The following VPS13B variants were observed in gnomAD, a reference collection of about 807,000 sequenced individuals.
VPS13B encodes vacuolar protein sorting 13 homolog B, also known as intermembrane lipid transfer protein VPS13B.
In VPS13B, 285 loss-of-function variants were observed where a neutral mutation model predicts 426.4. That is an observed-to-expected ratio of 0.67 (90% CI 0.61 to 0.74). The LOEUF (loss-of-function observed/expected upper bound fraction) is 0.74. Among genes scored for constraint, VPS13B ranks in the 30% least tolerant of loss-of-function variants. The probability of loss-of-function intolerance (pLI) is 0.00; values close to 1 mark genes in which losing one functional copy is unlikely to be tolerated. For synonymous variants in VPS13B, 1,676 were observed against 1,676.4 expected, an observed-to-expected ratio of 1.00 and a Z score of 0.01; for missense variants, 4,537 against 4,782.6, an observed-to-expected ratio of 0.95 and a Z score of 1.51.
At chr8:99,287,181 G>C (rs1368205770) in intron 19 of VPS13B, among the ~76,000 whole-genome samples, 1 of 151,878 alleles carries the variant, frequency 6.6e-6, no homozygotes, top group Non-Finnish European at 1.5e-5. Context: ...TGTAGATTAG[G>C]TGTTGCTTTA....
At chr8:99,128,302 G>C (rs1488592912) in intron 8 of VPS13B, among the ~76,000 whole-genome samples, 1 of 138,316 alleles carries the variant, frequency 7.2e-6, no homozygotes, top group Non-Finnish European at 1.5e-5. Flanking sequence ...CAGGAGAATT[G>C]CTTGAACCTG....
chr8:99,790,299 A>G (rs1267369555), intron 43 of VPS13B, among the ~76,000 whole-genome samples: 1 of 152,178 alleles, frequency 6.6e-6, no homozygotes, highest in Non-Finnish European at 1.5e-5. Flanking sequence ...TATCCAAATT[A>G]TCTGACCTCC....
At chr8:99,790,455 T>G (rs1812483494) in intron 43 of VPS13B, among the ~76,000 whole-genome samples, 1 of 152,192 alleles carries the variant, frequency 6.6e-6, no homozygotes, top group Non-Finnish European at 1.5e-5. Flanking sequence ...TCTAAGGAAC[T>G]TACTGTCTAT....
intron 30 of VPS13B, among the ~76,000 whole-genome samples, chr8:99,542,633 G>A (rs1823685656): frequency 6.6e-6 from 1 of 152,116 alleles, no homozygotes; most frequent in Non-Finnish European, 1.5e-5. Context: ...AGGAATTTGT[G>A]CTTTATTACA....
At chr8:99,740,255 A>G (rs1454010709) in intron 39 of VPS13B, among the ~76,000 whole-genome samples, 2 of 152,214 alleles carry the variant, frequency 1.3e-5, no homozygotes, top group Admixed American at 6.5e-5. Flanking sequence ...AAATGAAGTG[A>G]GAAGAGAAGT....
intron 19 of VPS13B, among the ~76,000 whole-genome samples, chr8:99,329,252 G>A (rs943901260): frequency 2.0e-5 from 3 of 152,046 alleles, no homozygotes; most frequent in East Asian, 1.9e-4. Context: ...TATAAACCCT[G>A]TATTTTAGTT....
At chr8:99,050,179 C>T (rs950845743) in intron 3 of VPS13B, among the ~76,000 whole-genome samples, 1 of 151,784 alleles carries the variant, frequency 6.6e-6, no homozygotes. Context: ...TGCTATCGCT[C>T]CCCCCTCCCC....
At chr8:99,736,869 T>C in intron 39 of VPS13B, among the ~76,000 whole-genome samples, 1 of 152,122 alleles carries the variant, frequency 6.6e-6, no homozygotes, top group East Asian at 1.9e-4. Context: ...ATCATTCTTA[T>C]TTTATAAAAA....
chr8:99,134,797 T>TATTA, intron 9 of VPS13B, 70 bp downstream of exon 9: 3 of 1,325,878 alleles, frequency 2.3e-6, no homozygotes, highest in South Asian at 2.6e-5. Context: ...TACCTGTTTT[T>TATTA]ATCAGATGTA....
chr8:99,094,526 A>C (rs555580397), intron 3 of VPS13B, among the ~76,000 whole-genome samples: 1 of 152,314 alleles, frequency 6.6e-6, no homozygotes, highest in East Asian at 1.9e-4. Context: ...TAAGTTCATG[A>C]GAAAATTTTC....
At chr8:99,428,557 A>T (rs1414680508) in intron 21 of VPS13B, among the ~76,000 whole-genome samples, 1 of 152,230 alleles carries the variant, frequency 6.6e-6, no homozygotes, top group Non-Finnish European at 1.5e-5. Context: ...TGGCCATCAG[A>T]GAAATGCAAA....
At chr8:99,614,597 A>C (rs2133881131) in intron 33 of VPS13B, among the ~76,000 whole-genome samples, 1 of 152,182 alleles carries the variant, frequency 6.6e-6, no homozygotes, top group Non-Finnish European at 1.5e-5. Flanking sequence ...ATTATTTTAA[A>C]AGTGTTTCAG....
At chr8:99,145,382 T>G (rs1367705713) in intron 13 of VPS13B, among the ~76,000 whole-genome samples, 1 of 152,160 alleles carries the variant, frequency 6.6e-6, no homozygotes, top group Non-Finnish European at 1.5e-5. Context: ...ACTACCATGG[T>G]CAAGAAAATG....
chr8:99,020,489 G>A (rs1482230084), intron 2 of VPS13B, among the ~76,000 whole-genome samples: 1 of 152,128 alleles, frequency 6.6e-6, no homozygotes, highest in Non-Finnish European at 1.5e-5. Context: ...TAATTTTGAT[G>A]AAGTCCAACT....
In VPS13B at chr8:99,148,013, A is replaced by G. The variant is rs1810834447; in HGVS notation, c.2013+3A>G. On this transcript the variant is annotated splice_donor_region_variant and intron_variant, in intron 14 of 61. Transcript: ENST00000357162. ...TACCTGTCATTATGGGAGAAAAGGT[A>G]TATTTTGTGATTTGCTATATTTTTT... is the stretch of plus-strand genomic sequence containing the variant. 1.2e-6 allele frequency: 2 copies of G among 1,606,094 alleles called. No individual in the cohort carries two copies. Among genetic ancestry groups the G allele is most frequent in the Non-Finnish European group, 8.5e-7 (1 of 1,175,632 alleles).
At chr8:99,411,080 G>A (rs1356110166) in intron 21 of VPS13B, among the ~76,000 whole-genome samples, 3 of 152,122 alleles carry the variant, frequency 2.0e-5, no homozygotes, top group African/African-American at 7.2e-5. Flanking sequence ...TATATACCTG[G>A]TAGTGGGATT....
chr8:99,649,332 T>C (rs1829714056), intron 34 of VPS13B, among the ~76,000 whole-genome samples: 1 of 152,124 alleles, frequency 6.6e-6, no homozygotes. Context: ...TGCACCAATC[T>C]CTTTCTCTTC....
At chr8:99,781,198 C>T (rs1812004515) in intron 42 of VPS13B, among the ~76,000 whole-genome samples, 2 of 152,102 alleles carry the variant, frequency 1.3e-5, no homozygotes, top group Non-Finnish European at 2.9e-5. Flanking sequence ...ATTTTCTTTT[C>T]CCTTTTATAA....
chr8:99,665,609 T>G (rs1000847912), intron 35 of VPS13B, among the ~76,000 whole-genome samples: 32 of 152,122 alleles, frequency 2.1e-4, no homozygotes, highest in African/African-American at 5.1e-4. Context: ...TGTCAGGTTT[T>G]TCAAAGATCA....
Sources: gnomAD v4.1 joint callset for allele counts (sites outside exome capture counted in the v4.1 genomes callset) on GRCh38, gnomAD v4.1.1 for gene constraint, MANE v1.5 for transcripts, NCBI Gene and HGNC (gene_info 2026-07-23, HGNC 2026-07-21) for gene names.